Variants in YWHAE observed in about 807,000 individuals in gnomAD.
The protein encoded by YWHAE is 14-3-3 protein epsilon.
A neutral mutation model predicts 30.1 loss-of-function variants in YWHAE; 4 were observed. The observed-to-expected ratio is 0.13, with a 90% CI of 0.07 to 0.30. The LOEUF (loss-of-function observed/expected upper bound fraction) is 0.30, where lower values mean the gene tolerates loss of function less well. Ranked by LOEUF, YWHAE falls within the 10% of genes least tolerant of loss-of-function variation. YWHAE has a pLI of 1.00. For missense variants in YWHAE, 121 were observed against 315.9 expected, an observed-to-expected ratio of 0.38 and a Z score of 4.68; for synonymous variants, 118 against 111.8, an observed-to-expected ratio of 1.06 and a Z score of -0.35.
At position 1,345,749 on chromosome 17, in the gene YWHAE, G is replaced by A. The variant is rs192183038; in HGVS notation, c.716-250C>T. 9.9e-5 allele frequency among the ~76,000 whole-genome samples: 15 copies of A among 152,224 alleles called. No homozygotes were observed. In the East Asian group the frequency reaches 2.1e-3, roughly 22 times the overall value. On this transcript the variant is annotated intron_variant, in intron 5 of 5. Coordinates refer to ENST00000264335, the MANE Select transcript of YWHAE (RefSeq NM_006761.5). ...GCGCAGTACAACTCAATGTTTTTAC[G>A]CTAAATAAGCTCTTGACGTAGACAG...
At chr17:1,375,307 C>T (rs188687043) in intron 1 of YWHAE, among the ~76,000 whole-genome samples, 100 of 152,308 alleles carry the variant, frequency 6.6e-4, no homozygotes, top group Non-Finnish European at 1.2e-3. Flanking sequence ...TCTAGACTAA[C>T]TACACCCTTC....
chr17:1,381,827 C>T (rs1051339651), intron 1 of YWHAE, among the ~76,000 whole-genome samples: 6 of 145,548 alleles, frequency 4.1e-5, no homozygotes, highest in Non-Finnish European at 4.5e-5. Context: ...GTGGGAGGAT[C>T]ACTGGAACGT....
At chr17:1,376,131 G>A (rs1410735835) in intron 1 of YWHAE, among the ~76,000 whole-genome samples, 1 of 152,206 alleles carries the variant, frequency 6.6e-6, no homozygotes, top group African/African-American at 2.4e-5. Context: ...GACTTGAGTT[G>A]TGCTTTGATT....
chr17:1,353,763 C>CAA (rs201551828), intron 5 of YWHAE, among the ~76,000 whole-genome samples: 1 of 144,420 alleles, frequency 6.9e-6, no homozygotes. Context: ...GACTCCGTCT[C>CAA]AAAAAAAAAA....
In YWHAE at chr17:1,345,288, TTAAA is replaced by T; in HGVS notation, c.*155_*158del. The T allele has an allele frequency of 1.7e-6, 1 of 597,952 alleles. No homozygotes were observed. The allele number at this position is 597,952 out of a possible 1,614,324, so 37.0% of individuals were successfully genotyped here. On this transcript the variant is annotated 3_prime_UTR_variant, in exon 6 of 6. Coordinates refer to ENST00000264335, the MANE Select transcript of YWHAE (RefSeq NM_006761.5). ...GCCTTTAAGAACTTTTGAAAACTGT[TTAAA>T]AAAAAAAAAAAAAAACCAACAGGGC...
intron 4 of YWHAE, among the ~76,000 whole-genome samples, chr17:1,357,125 C>T (rs1314823598): frequency 2.6e-5 from 4 of 151,488 alleles, no homozygotes; most frequent in Admixed American, 2.0e-4. Flanking sequence ...AAAAATAGGC[C>T]GGGCGCGGTG....
chr17:1,383,208 G>C (rs949228682), intron 1 of YWHAE, among the ~76,000 whole-genome samples: 1 of 151,666 alleles, frequency 6.6e-6, no homozygotes, highest in South Asian at 2.1e-4. Flanking sequence ...AAATTAGACA[G>C]GCATGGTGGC....
At chr17:1,369,997 T>TTTCAAA in intron 1 of YWHAE, among the ~76,000 whole-genome samples, 1 of 152,274 alleles carries the variant, frequency 6.6e-6, no homozygotes, top group Non-Finnish European at 1.5e-5. Flanking sequence ...GGGTGATGGC[T>TTTCAAA]GCTGAAGGCT....
At chr17:1,398,733 A>G (rs1000876757) in intron 1 of YWHAE, 3 of 152,166 alleles carry the variant, frequency 2.0e-5, no homozygotes, top group Non-Finnish European at 4.4e-5. Flanking sequence ...GGTGGTCCAA[A>G]AGGTGGACTG....
intron 2 of YWHAE, chr17:1,364,651 C>CTG (rs1668175905): frequency 1.6e-6 from 1 of 619,954 alleles, no homozygotes. Context: ...AATACCAAAC[C>CTG]TGATACAGAC....
intron 4 of YWHAE, among the ~76,000 whole-genome samples, chr17:1,359,959 G>GGGGAGAGAGGGGGA (rs2072836652): frequency 1.8e-5 from 2 of 109,012 alleles, no homozygotes; most frequent in Non-Finnish European, 3.8e-5. Flanking sequence ...GGAGAGAGGG[G>GGGGAGAGAGGGGGA]GAGAGAGAGA....
At chr17:1,392,850 CAAA>C (rs545119578) in intron 1 of YWHAE, among the ~76,000 whole-genome samples, 8 of 128,360 alleles carry the variant, frequency 6.2e-5, no homozygotes, top group African/African-American at 1.7e-4. Flanking sequence ...AAATCCATCT[CAAA>C]AAAAAAAAAA....
chr17:1,374,660 T>C (rs528712442), intron 1 of YWHAE, among the ~76,000 whole-genome samples: 1 of 152,330 alleles, frequency 6.6e-6, no homozygotes, highest in Non-Finnish European at 1.5e-5. Flanking sequence ...TGGTTTTGAT[T>C]TGCATTTCCT....
chr17:1,362,765 C>A (rs2072883648), intron 2 of YWHAE, among the ~76,000 whole-genome samples: 1 of 151,746 alleles, frequency 6.6e-6, no homozygotes, highest in Non-Finnish European at 1.5e-5. Context: ...GCAGAAAATT[C>A]TCTCTTTTTC....
chr17:1,391,703 G>A (rs370352812), intron 1 of YWHAE, among the ~76,000 whole-genome samples: 19 of 152,282 alleles, frequency 1.2e-4, no homozygotes, highest in Admixed American at 4.6e-4. Context: ...CTGGCCGGGC[G>A]CAGTGGTTCA....
chr17:1,362,225 C>A (rs1180478788), intron 2 of YWHAE, among the ~76,000 whole-genome samples: 1 of 152,028 alleles, frequency 6.6e-6, no homozygotes, highest in Non-Finnish European at 1.5e-5. Flanking sequence ...CCTATTGTTA[C>A]ACACACACAT....
At position 1,345,332 on chromosome 17, in the gene YWHAE, T is replaced by C. The variant is rs2072497935; in HGVS notation, c.*115A>G. 1 of 1,081,078 alleles carries C rather than the reference T, an allele frequency of 9.3e-7. No homozygotes were observed. The highest frequency in any genetic ancestry group is 2.2e-5 in the Admixed American group (1 of 45,960). The allele number at this position is 1,081,078 out of a possible 1,614,324, so 67.0% of individuals were successfully genotyped here. A position where few individuals can be genotyped will look rare whatever the true frequency, so the allele number is the denominator to read the frequency against. On this transcript the variant is annotated 3_prime_UTR_variant, in exon 6 of 6. Transcript: ENST00000264335. ...ACCAACAGGGCAGGAACCTAAATTC[T>C]GAGACCAAATGTAAAAGTCAGATTT... is the stretch of plus-strand genomic sequence containing the variant.
intron 4 of YWHAE, among the ~76,000 whole-genome samples, chr17:1,360,608 C>CAA (rs147214674): frequency 6.6e-6 from 1 of 151,466 alleles, no homozygotes; most frequent in Admixed American, 6.6e-5. Flanking sequence ...ACTAAAAATA[C>CAA]AAAAAAAATT....
chr17:1,391,133 T>C (rs964935092), intron 1 of YWHAE, among the ~76,000 whole-genome samples: 2 of 152,228 alleles, frequency 1.3e-5, no homozygotes, highest in African/African-American at 4.8e-5. Flanking sequence ...ACACACTAGG[T>C]GTTGACACCA....
Sources: allele counts gnomAD v4.1 joint callset (sites outside exome capture counted in the v4.1 genomes callset), GRCh38; gene constraint gnomAD v4.1.1; transcripts MANE v1.5; gene names NCBI Gene and HGNC (gene_info 2026-07-23, HGNC 2026-07-21).